Variants in TUSC3 observed in about 807,000 individuals in gnomAD.
The protein encoded by TUSC3 is tumor suppressor candidate 3, also known as dolichyl-diphosphooligosaccharide--protein glycosyltransferase subunit TUSC3.
A neutral mutation model predicts 44.8 loss-of-function variants in TUSC3; 45 were observed. The observed-to-expected ratio is 1.00, with a 90% CI of 0.79 to 1.29. The LOEUF (loss-of-function observed/expected upper bound fraction) is 1.29, where lower values mean the gene tolerates loss of function less well. Among genes scored for constraint, TUSC3 ranks in the 50% most tolerant of loss-of-function variants. The pLI is 0.00. For missense variants in TUSC3, 519 were observed against 437.9 expected (o/e 1.19, Z -1.65); for synonymous variants, 212 against 152.9 (o/e 1.39, Z -2.85).
intron 1 of TUSC3, among the ~76,000 whole-genome samples, chr8:15,417,852 C>G (rs921433380): frequency 4.6e-5 from 7 of 152,190 alleles, no homozygotes; most frequent in African/African-American, 1.7e-4. Context: ...CTTTCTCTTT[C>G]ACTCTCAGTA....
At chr8:15,695,681 G>A (rs1809128786) in intron 6 of TUSC3, among the ~76,000 whole-genome samples, 1 of 152,144 alleles carries the variant, frequency 6.6e-6, no homozygotes, top group East Asian at 1.9e-4. Flanking sequence ...TTGTTGAATG[G>A]CTTTGATCAA....
chr8:15,605,628 A>G (rs971146347), intron 1 of TUSC3, among the ~76,000 whole-genome samples: 4 of 151,950 alleles, frequency 2.6e-5, no homozygotes, highest in Non-Finnish European at 5.9e-5. Flanking sequence ...TGGAGAAAAA[A>G]GTCTGTCAAG....
chr8:15,552,166 T>C (rs779249360), intron 1 of TUSC3, among the ~76,000 whole-genome samples: 9 of 151,846 alleles, frequency 5.9e-5, no homozygotes, highest in South Asian at 4.2e-4. Context: ...GTAGAAATAC[T>C]ATTATTGATG....
intron 2 of TUSC3, among the ~76,000 whole-genome samples, chr8:15,501,204 T>C (rs1475402910): frequency 6.6e-6 from 1 of 152,190 alleles, no homozygotes; most frequent in Non-Finnish European, 1.5e-5. Flanking sequence ...TTTTTCCCTT[T>C]TGAGGATTTG....
At chr8:15,613,064 G>GAGATAT (rs1804829854) in intron 1 of TUSC3, among the ~76,000 whole-genome samples, 1 of 144,572 alleles carries the variant, frequency 6.9e-6, no homozygotes, top group African/African-American at 2.5e-5. Context: ...TTATATATAT[G>GAGATAT]ATATATATAT....
the TUSC3 span, among the ~76,000 whole-genome samples, chr8:15,825,278 G>T: frequency 6.6e-6 from 1 of 152,158 alleles, no homozygotes; most frequent in African/African-American, 2.4e-5. Flanking sequence ...AGAAAAAGAG[G>T]TTTACTGGAC....
At position 15,650,803 on chromosome 8, in the gene TUSC3, G is replaced by GT. The variant is rs773426468; in HGVS notation, c.420dup (p.Gln141SerfsTer21). 7.4e-6 allele frequency: 12 copies of GT among 1,613,626 alleles called. No homozygotes were observed. Among genetic ancestry groups the GT allele is most frequent in the African/African-American group, 1.3e-5 (1 of 74,900 alleles). On this transcript the variant is annotated frameshift_variant, in exon 3 of 11. Coordinates refer to ENST00000503731, the MANE Select transcript of TUSC3 (RefSeq NM_006765.4). LOFTEE classifies it high-confidence loss of function. ...GGTGGACTATGATGAGGGGACAGAC[G>GT]TTTTTCAGCAGGTAAAGAGTTATAT...
At chr8:15,576,519 A>T (rs932745657) in intron 1 of TUSC3, among the ~76,000 whole-genome samples, 1 of 130,762 alleles carries the variant, frequency 7.6e-6, no homozygotes, top group Non-Finnish European at 1.5e-5. Flanking sequence ...TGTCCATGTG[A>T]TCTCATTGTT....
chr8:15,623,002 C>G, intron 1 of TUSC3, 78 bp from the exon 2 acceptor site: 3 of 1,405,256 alleles, frequency 2.1e-6, no homozygotes, highest in Non-Finnish European at 2.9e-6. Flanking sequence ...GAAAATAAAA[C>G]ATTTTATGCA....
the TUSC3 span, among the ~76,000 whole-genome samples, chr8:15,771,692 C>T: frequency 2.0e-5 from 3 of 151,974 alleles, no homozygotes; most frequent in South Asian, 6.2e-4. Context: ...TTAGAAAACA[C>T]CTGAAGACAA....
At chr8:15,503,699 G>C (rs968808579) in intron 2 of TUSC3, among the ~76,000 whole-genome samples, 4 of 151,924 alleles carry the variant, frequency 2.6e-5, no homozygotes, top group African/African-American at 7.3e-5. Context: ...GTGAAATCTT[G>C]TGTCTTAAAC....
At chr8:15,566,611 TGTTGTTG>T (rs1802684701) in intron 1 of TUSC3, among the ~76,000 whole-genome samples, 1 of 151,136 alleles carries the variant, frequency 6.6e-6, no homozygotes, top group Non-Finnish European at 1.5e-5. Context: ...ATTTTTTTGT[TGTTGTTG>T]TTGTTGTTGT....
chr8:15,810,795 C>T, the TUSC3 span, among the ~76,000 whole-genome samples: 3 of 152,112 alleles, frequency 2.0e-5, no homozygotes, highest in African/African-American at 7.2e-5. Context: ...AGAGAATCTC[C>T]GTTAAGGTCT....
chr8:15,484,718 A>T (rs998054344), intron 2 of TUSC3, among the ~76,000 whole-genome samples: 13 of 152,222 alleles, frequency 8.5e-5, no homozygotes, highest in African/African-American at 2.9e-4. Flanking sequence ...CAGAGTCAGA[A>T]AACTGAATTT....
At chr8:15,793,423 T>C in the TUSC3 span, among the ~76,000 whole-genome samples, 9 of 151,888 alleles carry the variant, frequency 5.9e-5, no homozygotes, top group Non-Finnish European at 2.9e-5. Flanking sequence ...GCCTTTGCAC[T>C]TCTTATTTCT....
At chr8:15,550,995 A>T (rs1802043681) in intron 1 of TUSC3, among the ~76,000 whole-genome samples, 1 of 151,760 alleles carries the variant, frequency 6.6e-6, no homozygotes, top group South Asian at 2.1e-4. Flanking sequence ...ACCTTGTAAA[A>T]ATTCTAGATA....
chr8:15,794,128 T>C, the TUSC3 span, among the ~76,000 whole-genome samples: 6 of 152,186 alleles, frequency 3.9e-5, no homozygotes, highest in Admixed American at 2.6e-4. Context: ...CAATACATTC[T>C]ACTATGTAAT....
At chr8:15,608,724 C>T (rs1804637394) in intron 1 of TUSC3, among the ~76,000 whole-genome samples, 1 of 152,156 alleles carries the variant, frequency 6.6e-6, no homozygotes, top group African/African-American at 2.4e-5. Context: ...TTGCCTGCCA[C>T]CATGTAAGAT....
At chr8:15,583,077 A>C (rs7007500) in intron 1 of TUSC3, among the ~76,000 whole-genome samples, 1 of 152,146 alleles carries the variant, frequency 6.6e-6, no homozygotes. Flanking sequence ...TGGAATACAA[A>C]TGAGAATGAA....
Sources: allele counts gnomAD v4.1 joint callset (sites outside exome capture counted in the v4.1 genomes callset), GRCh38; gene constraint gnomAD v4.1.1; transcripts MANE v1.5; gene names NCBI Gene and HGNC (gene_info 2026-07-23, HGNC 2026-07-21).